Variants in MTHFD2L observed in about 807,000 individuals in gnomAD.
MTHFD2L encodes methylenetetrahydrofolate dehydrogenase (NADP+ dependent) 2 like.
In MTHFD2L, 29 loss-of-function variants were observed where a neutral mutation model predicts 34.9. The ratio of observed to expected loss-of-function variants is 0.83; its 90% CI spans 0.62 to 1.13. The LOEUF is 1.13. MTHFD2L is among the 50% of genes most tolerant of loss of function. The pLI, the probability that MTHFD2L is intolerant of heterozygous loss-of-function variation, is 0.00. For missense variants in MTHFD2L, 481 were observed against 446.5 expected (o/e 1.08, Z -0.70); for synonymous variants, 167 against 155.7 (o/e 1.07, Z -0.54).
Position 74,201,136 on chromosome 4 carries a change from T to C in MTHFD2L, c.605-127T>C. On this transcript the variant is annotated intron_variant, in intron 4 of 7. Coordinates refer to ENST00000325278, the MANE Select transcript of MTHFD2L (RefSeq NM_001144978.3). The stretch of plus-strand genomic sequence containing the variant: ...ATAAATAATGAATGTGCTCATATTA[T>C]AGATAAGCCACATAATAATTCAGAT... 6.4e-6 allele frequency: 4 copies of C among 620,836 alleles called. No individual in the cohort carries two copies. The South Asian group carries it at 9.2e-5, about 14-fold the overall frequency. The allele number at this position is 620,836 out of a possible 1,614,324, so 38.5% of individuals were successfully genotyped here. A position where few individuals can be genotyped will look rare whatever the true frequency, so the allele number is the denominator to read the frequency against.
At chr4:74,165,524 A>C (rs542458) in intron 1 of MTHFD2L, among the ~76,000 whole-genome samples, 26,691 of 151,864 alleles carry the variant, frequency 0.18, 5,000 homozygotes, top group African/African-American at 0.47. Context: ...CGCCCAGCTA[A>C]TTTTTCTATT....
chr4:74,160,128 T>C, intron 1 of MTHFD2L: 2 of 1,271,470 alleles, frequency 1.6e-6, no homozygotes, highest in Non-Finnish European at 2.1e-6. Context: ...CCATCCACAG[T>C]CATCTTTTTT....
chr4:74,255,553 T>C (rs1225651345), intron 6 of MTHFD2L, among the ~76,000 whole-genome samples: 2 of 152,218 alleles, frequency 1.3e-5, no homozygotes, highest in African/African-American at 2.4e-5. Flanking sequence ...GGGTATATTG[T>C]ATGCTGCTGA....
chr4:74,283,571 A>G (rs1747765226), intron 7 of MTHFD2L, among the ~76,000 whole-genome samples: 1 of 152,154 alleles, frequency 6.6e-6, no homozygotes, highest in Non-Finnish European at 1.5e-5. Flanking sequence ...GTTAAATGAT[A>G]GCAATTATAT....
chr4:74,297,788 T>C (rs1308038740), intron 7 of MTHFD2L, among the ~76,000 whole-genome samples: 2 of 152,106 alleles, frequency 1.3e-5, no homozygotes, highest in Non-Finnish European at 2.9e-5. Context: ...ACATGACTAA[T>C]TTTAGCACAT....
intron 1 of MTHFD2L, among the ~76,000 whole-genome samples, chr4:74,168,298 A>G (rs941290741): frequency 6.6e-6 from 1 of 152,148 alleles, no homozygotes; most frequent in South Asian, 2.1e-4. Flanking sequence ...GCCTCTTGCT[A>G]TTCCTCAAAG....
At chr4:74,194,454 A>G (rs1733130349) in intron 3 of MTHFD2L, 1 of 151,458 alleles carries the variant, frequency 6.6e-6, no homozygotes, top group Non-Finnish European at 1.5e-5. Context: ...CATTTTTTTC[A>G]GATAGTTGTT....
At chr4:74,296,069 A>G (rs974253987) in intron 7 of MTHFD2L, among the ~76,000 whole-genome samples, 1 of 152,114 alleles carries the variant, frequency 6.6e-6, no homozygotes, top group African/African-American at 2.4e-5. Flanking sequence ...GGCAGTATCT[A>G]TGTCTGTCTT....
intron 6 of MTHFD2L, among the ~76,000 whole-genome samples, chr4:74,276,944 A>G (rs1746731759): frequency 6.6e-6 from 1 of 152,040 alleles, no homozygotes; most frequent in African/African-American, 2.4e-5. Context: ...TTTTAATTTG[A>G]AAGGACAAAG....
At chr4:74,252,945 A>G (rs978376502) in intron 6 of MTHFD2L, among the ~76,000 whole-genome samples, 3 of 152,204 alleles carry the variant, frequency 2.0e-5, no homozygotes, top group African/African-American at 7.2e-5. Flanking sequence ...CAGAACATTA[A>G]CAATCCTAGA....
chr4:74,166,802 C>T (rs1726805191), intron 1 of MTHFD2L, among the ~76,000 whole-genome samples: 1 of 152,204 alleles, frequency 6.6e-6, no homozygotes, highest in African/African-American at 2.4e-5. Flanking sequence ...CACTGTAAGC[C>T]TGCCCCAGTA....
chr4:74,225,691 T>C (rs899569149), intron 6 of MTHFD2L, among the ~76,000 whole-genome samples: 5 of 152,122 alleles, frequency 3.3e-5, no homozygotes, highest in African/African-American at 1.2e-4. Flanking sequence ...CGGAAAAAGG[T>C]TGGTGCAGGT....
intron 1 of MTHFD2L, among the ~76,000 whole-genome samples, chr4:74,163,527 T>G (rs958917472): frequency 6.6e-6 from 1 of 152,212 alleles, no homozygotes; most frequent in Non-Finnish European, 1.5e-5. Flanking sequence ...AATGAAAAGG[T>G]ATTTTACTTT....
At chr4:74,234,073 A>G (rs1216987364) in intron 6 of MTHFD2L, among the ~76,000 whole-genome samples, 3 of 152,062 alleles carry the variant, frequency 2.0e-5, no homozygotes, top group African/African-American at 7.2e-5. Flanking sequence ...TTGGAAATAT[A>G]CTTTAGATGG....
intron 5 of MTHFD2L, among the ~76,000 whole-genome samples, chr4:74,213,532 C>G (rs1008485959): frequency 6.6e-6 from 1 of 152,116 alleles, no homozygotes. Context: ...TGCCCCTACT[C>G]TCTTCTGGCC....
chr4:74,117,992 T>C (rs1473751212), intron 2 of MTHFD2L, among the ~76,000 whole-genome samples: 2 of 152,208 alleles, frequency 1.3e-5, no homozygotes, highest in East Asian at 1.9e-4. Flanking sequence ...AGGGAAGAGA[T>C]ATCTTATTTA....
intron 1 of MTHFD2L, among the ~76,000 whole-genome samples, chr4:74,139,143 A>G (rs1372508694): frequency 6.6e-6 from 1 of 152,032 alleles, no homozygotes; most frequent in Non-Finnish European, 1.5e-5. Flanking sequence ...AGAATTTCTT[A>G]TTTGTTTTTC....
intron 5 of MTHFD2L, 141 bp from the exon 6 acceptor site, chr4:74,225,161 G>T: frequency 1.5e-6 from 1 of 649,906 alleles, no homozygotes. Context: ...TTCTTGTATA[G>T]CTTTTGTGCT....
At chr4:74,158,052 C>T (rs1322810273), upstream of MTHFD2L, 18 of 1,523,386 alleles carry the variant, frequency 1.2e-5, no homozygotes, top group Non-Finnish European at 1.8e-6. Flanking sequence ...CCTGCCAGCC[C>T]GGGTGAGGGC....
Sources: allele counts gnomAD v4.1 joint callset (sites outside exome capture counted in the v4.1 genomes callset), GRCh38; gene constraint gnomAD v4.1.1; transcripts MANE v1.5; gene names NCBI Gene and HGNC (gene_info 2026-07-23, HGNC 2026-07-21).